PPA2: variants seen among roughly 807,000 people sequenced by gnomAD.
PPA2 encodes the protein inorganic pyrophosphatase 2, mitochondrial.
A neutral mutation model predicts 49.5 loss-of-function variants in PPA2; 48 were observed. The ratio of observed to expected loss-of-function variants is 0.97; its 90% confidence interval spans 0.77 to 1.23. The LOEUF (loss-of-function observed/expected upper bound fraction) is 1.23, where lower values mean the gene tolerates loss of function less well. Among genes scored for constraint, PPA2 ranks in the 50% most tolerant of loss-of-function variants. The pLI is 0.00. For synonymous variants in PPA2, 131 were observed against 139.9 expected, an observed-to-expected ratio of 0.94 and a Z score of 0.45; for missense variants, 429 against 410.1, an observed-to-expected ratio of 1.05 and a Z score of -0.40.
chr4:105,410,676 T>C (rs1050317023), intron 7 of PPA2, among the ~76,000 whole-genome samples: 1 of 152,178 alleles, frequency 6.6e-6, no homozygotes, highest in African/African-American at 2.4e-5. Flanking sequence ...AAGGTCAGGT[T>C]ACCCACAAAG....
At chr4:105,448,012 C>T (rs1053815205) in intron 4 of PPA2, 1 of 319,206 alleles carries the variant, frequency 3.1e-6, no homozygotes. Context: ...TCTCAATGGG[C>T]TGGGATTACA....
intron 11 of PPA2, among the ~76,000 whole-genome samples, chr4:105,370,154 T>C (rs1174101197): frequency 6.6e-6 from 1 of 152,212 alleles, no homozygotes; most frequent in African/African-American, 2.4e-5. Flanking sequence ...TAGCTTACCA[T>C]ATAAGGAATA....
intron 9 of PPA2, among the ~76,000 whole-genome samples, chr4:105,389,736 T>C (rs575792669): frequency 3.9e-5 from 6 of 152,282 alleles, no homozygotes; most frequent in Admixed American, 2.0e-4. Flanking sequence ...CCCACACTTA[T>C]GAGAATCCTC....
At chr4:105,466,231 A>T (rs1295363097) in intron 1 of PPA2, among the ~76,000 whole-genome samples, 2 of 152,030 alleles carry the variant, frequency 1.3e-5, no homozygotes, top group South Asian at 2.1e-4. Flanking sequence ...ACCTTCTAAA[A>T]TTCAAGTTTC....
rs573759710 is a variant in PPA2 at position 105,418,917 on chromosome 4, C to T, written c.655+5279G>A. 7.2e-5 allele frequency among the ~76,000 whole-genome samples: 11 copies of T among 152,180 alleles called. No homozygotes were observed. In the South Asian group the frequency reaches 8.3e-4, roughly 11 times the overall value. ...TTATAGAAGGTGGTTAATTTAACCA[C>T]GAGAAAAATTACACATGCCCTAGCA... On this transcript the variant is annotated intron_variant, in intron 7 of 11. Transcript: ENST00000341695.
At chr4:105,440,235 A>C (rs1724283842) in intron 5 of PPA2, among the ~76,000 whole-genome samples, 1 of 152,100 alleles carries the variant, frequency 6.6e-6, no homozygotes, top group Non-Finnish European at 1.5e-5. Context: ...TCAGCTATTA[A>C]GAAAGGCTTA....
rs893329735 is a variant in PPA2, at chr4:105,371,092, A to AT, written c.940-220dup. 9.7e-4 allele frequency among the ~76,000 whole-genome samples: 147 copies of AT among 152,288 alleles called. 2 individuals are homozygous for AT. Among genetic ancestry groups the AT allele is most frequent in the African/African-American group, 3.4e-3 (142 of 41,558 alleles). On this transcript the variant is annotated intron_variant, in intron 10 of 11. Coordinates refer to ENST00000341695, the MANE Select transcript of PPA2 (RefSeq NM_176869.3). Reference sequence around the variant, plus strand: ...GAGTAAAATAAAAATACTTGAAAATATTTTTTATCTTAACCCATGGAATCC... The same window carrying AT: ...GAGTAAAATAAAAATACTTGAAAATATTTTTTTATCTTAACCCATGGAATCC...
At chr4:105,414,219 T>A (rs950609388) in intron 7 of PPA2, among the ~76,000 whole-genome samples, 1 of 152,254 alleles carries the variant, frequency 6.6e-6, no homozygotes, top group Non-Finnish European at 1.5e-5. Flanking sequence ...CATACACTGA[T>A]GATACAATCA....
chr4:105,446,286 T>C, intron 5 of PPA2, 97 bp downstream of exon 5: 1 of 1,264,750 alleles, frequency 7.9e-7, no homozygotes, highest in Non-Finnish European at 1.1e-6. Context: ...CCAAATGACA[T>C]GTCCTCAGAA....
At chr4:105,425,050 G>A (rs999626179) in intron 6 of PPA2, among the ~76,000 whole-genome samples, 3 of 152,102 alleles carry the variant, frequency 2.0e-5, no homozygotes, top group Non-Finnish European at 4.4e-5. Context: ...CTCAAACAAA[G>A]GTTACTCTAG....
chr4:105,437,676 T>C (rs1425556875), intron 6 of PPA2, among the ~76,000 whole-genome samples: 1 of 152,200 alleles, frequency 6.6e-6, no homozygotes, highest in African/African-American at 2.4e-5. Context: ...TCTACCGTCG[T>C]AGTGTAAAAG....
At chr4:105,408,127 G>A (rs1722569210) in intron 7 of PPA2, among the ~76,000 whole-genome samples, 1 of 152,126 alleles carries the variant, frequency 6.6e-6, no homozygotes, top group South Asian at 2.1e-4. Flanking sequence ...ACATTTCACA[G>A]AATCAAACAA....
chr4:105,445,443 T>A (rs981469938), intron 5 of PPA2, among the ~76,000 whole-genome samples: 1 of 152,118 alleles, frequency 6.6e-6, no homozygotes, highest in African/African-American at 2.4e-5. Flanking sequence ...TCCATGTGGG[T>A]GATCTAACTG....
intron 1 of PPA2, among the ~76,000 whole-genome samples, chr4:105,470,342 C>T (rs546726325): frequency 2.6e-5 from 4 of 152,246 alleles, no homozygotes; most frequent in East Asian, 3.9e-4. Flanking sequence ...CCTAGGAAGC[C>T]GGGCACAGTG....
intron 3 of PPA2, among the ~76,000 whole-genome samples, chr4:105,449,817 G>A (rs761003321): frequency 1.2e-4 from 18 of 152,120 alleles, no homozygotes; most frequent in Non-Finnish European, 2.4e-4. Context: ...CACCACATGA[G>A]GTTGTTACAA....
At chr4:105,402,998 T>TTTTC (rs1254828024) in intron 7 of PPA2, among the ~76,000 whole-genome samples, 25 of 150,420 alleles carry the variant, frequency 1.7e-4, no homozygotes, top group Non-Finnish European at 2.5e-4. Flanking sequence ...TCTTTCCTCT[T>TTTTC]TTTCTTTCTT....
chr4:105,385,900 G>A (rs1272714987), intron 10 of PPA2, among the ~76,000 whole-genome samples: 2 of 132,414 alleles, frequency 1.5e-5, no homozygotes, highest in Non-Finnish European at 3.2e-5. Context: ...TTTTTTTTGA[G>A]ACAGAGTCTC....
intron 1 of PPA2, among the ~76,000 whole-genome samples, chr4:105,460,029 A>C (rs1385036924): frequency 6.6e-6 from 1 of 152,246 alleles, no homozygotes; most frequent in East Asian, 1.9e-4. Flanking sequence ...GTCCACAAAA[A>C]AAGTAAATTT....
chr4:105,389,556 T>C (rs1423267623), intron 9 of PPA2, among the ~76,000 whole-genome samples: 2 of 151,802 alleles, frequency 1.3e-5, no homozygotes, highest in Non-Finnish European at 2.9e-5. Context: ...TACAACCTTG[T>C]TGACCAAAAC....
Sources: gnomAD v4.1 joint callset for allele counts (sites outside exome capture counted in the v4.1 genomes callset) on GRCh38, gnomAD v4.1.1 for gene constraint, MANE v1.5 for transcripts, NCBI Gene and HGNC (gene_info 2026-07-23, HGNC 2026-07-21) for gene names.